The following MTA3 variants were observed in gnomAD, a reference collection of about 807,000 sequenced individuals.
MTA3 encodes the protein metastasis-associated protein MTA3.
In MTA3, 34 loss-of-function variants were observed where a neutral mutation model predicts 83.5. The ratio of observed to expected loss-of-function variants is 0.41; its 90% CI spans 0.31 to 0.54. MTA3 has a LOEUF of 0.54. Among genes scored for constraint, MTA3 ranks in the 20% least tolerant of loss-of-function variants. MTA3 has a pLI of 0.33. For missense variants in MTA3, 761 were observed against 726.4 expected, an observed-to-expected ratio of 1.05 and a Z score of -0.55; for synonymous variants, 303 against 252.7, an observed-to-expected ratio of 1.20 and a Z score of -1.89.
intron 2 of MTA3, among the ~76,000 whole-genome samples, chr2:42,519,374 G>C (rs1019407630): frequency 6.6e-6 from 1 of 152,068 alleles, no homozygotes; most frequent in African/African-American, 2.4e-5. Flanking sequence ...GAGAGGCTTA[G>C]GCGGGCAGAT....
chr2:42,613,728 A>G (rs1386894422), intron 4 of MTA3: 2 of 152,196 alleles, frequency 1.3e-5, no homozygotes, highest in Non-Finnish European at 2.9e-5. Flanking sequence ...TCTGTGAACT[A>G]TAATATTCAT....
At chr2:42,641,213 T>G (rs2104302013) in intron 5 of MTA3, among the ~76,000 whole-genome samples, 1 of 151,664 alleles carries the variant, frequency 6.6e-6, no homozygotes, top group African/African-American at 2.4e-5. Flanking sequence ...GGCCGGTTTT[T>G]TTTTTTTTTT....
At position 42,659,750 on chromosome 2, in the gene MTA3, G is replaced by A. The variant is rs1689495361; in HGVS notation, c.603-13G>A. 1.3e-6 allele frequency: 2 copies of A among 1,523,352 alleles called. No individual in the cohort carries two copies. Among genetic ancestry groups the A allele is most frequent in the Non-Finnish European group, 1.8e-6 (2 of 1,135,054 alleles). 94.4% of individuals were successfully genotyped at this position (1,523,352 alleles called of 1,614,324 possible). On this transcript the variant is annotated splice_polypyrimidine_tract_variant and intron_variant, in intron 7 of 16. Coordinates refer to ENST00000405094, the MANE Select transcript of MTA3 (RefSeq NM_001330442.2). ...TACTTAATTCTTCCTTATTGTGTTT[G>A]TGGTTTATTCAGTGCTGTTGGGACA...
intron 7 of MTA3, among the ~76,000 whole-genome samples, chr2:42,659,355 G>A (rs1262762100): frequency 6.6e-6 from 1 of 152,164 alleles, no homozygotes; most frequent in Non-Finnish European, 1.5e-5. Flanking sequence ...GGGGAAAAAT[G>A]TAACTGAGTT....
intron 2 of MTA3, among the ~76,000 whole-genome samples, chr2:42,560,657 C>CA (rs1244336766): frequency 1.3e-5 from 2 of 151,860 alleles, no homozygotes; most frequent in Non-Finnish European, 2.9e-5. Context: ...GTAATCACAG[C>CA]ACTTTGGGAG....
chr2:42,549,530 ATATACAT>A (rs1676995277), intron 2 of MTA3, among the ~76,000 whole-genome samples: 1 of 110,176 alleles, frequency 9.1e-6, no homozygotes, highest in South Asian at 2.4e-4. Context: ...ATAATATATA[ATATACAT>A]ATATTACATA....
Position 42,555,761 on chromosome 2 carries a change from C to G in MTA3, c.-140-14676C>G, listed in dbSNP as rs150212791. Among the ~76,000 whole-genome samples, 69 of 151,484 alleles carry G rather than the reference C, an allele frequency of 4.6e-4. No homozygotes were observed. The East Asian group carries it at 0.011, about 24-fold the overall frequency. On this transcript the variant is annotated intron_variant, in intron 2 of 17. Transcript: ENST00000405592. Reference sequence around the variant, plus strand: ...CCAGCCTGCGCAACAGAGCGAGACTCCGTCTCAAAAAGAAAGAAAGAAAGA... The same window carrying G: ...CCAGCCTGCGCAACAGAGCGAGACTGCGTCTCAAAAAGAAAGAAAGAAAGA...
At chr2:42,725,949 C>A (rs988450089) in intron 16 of MTA3, among the ~76,000 whole-genome samples, 1 of 152,152 alleles carries the variant, frequency 6.6e-6, no homozygotes, top group Non-Finnish European at 1.5e-5. Flanking sequence ...ACGAATGGAC[C>A]TTTTCATTGG....
intron 9 of MTA3, among the ~76,000 whole-genome samples, chr2:42,687,388 G>T (rs552726506): frequency 1.3e-5 from 2 of 152,178 alleles, no homozygotes; most frequent in Admixed American, 1.3e-4. Context: ...TATATCAGTC[G>T]TTCATTTTCA....
intron 2 of MTA3, among the ~76,000 whole-genome samples, chr2:42,560,561 AAC>A (rs1160521526): frequency 2.0e-4 from 31 of 151,240 alleles, no homozygotes; most frequent in African/African-American, 7.3e-4. Context: ...TAAAAAAAAA[AAC>A]AAAAAACAAC....
chr2:42,542,147 T>C (rs934444440), intron 2 of MTA3, among the ~76,000 whole-genome samples: 3 of 152,176 alleles, frequency 2.0e-5, no homozygotes, highest in Non-Finnish European at 4.4e-5. Context: ...AAGTCTCCAC[T>C]CCATTCCCAG....
At chr2:42,720,435 C>T (rs1161781374) in intron 15 of MTA3, among the ~76,000 whole-genome samples, 1 of 152,126 alleles carries the variant, frequency 6.6e-6, no homozygotes, top group African/African-American at 2.4e-5. Flanking sequence ...CCCACCTCGG[C>T]CTCCCAGAGT....
chr2:42,595,853 C>G (rs1406143327), intron 3 of MTA3, among the ~76,000 whole-genome samples: 1 of 152,154 alleles, frequency 6.6e-6, no homozygotes, highest in Non-Finnish European at 1.5e-5. Flanking sequence ...ATACCAGACA[C>G]TCTAAATGCT....
chr2:42,609,571 G>A lies in MTA3; in HGVS notation c.304G>A (p.Ala102Thr), dbSNP rs1683927703. The A allele has an allele frequency of 4.3e-6, 7 of 1,613,350 alleles. No individual in the cohort carries two copies. Among genetic ancestry groups the A allele is most frequent in the Non-Finnish European group, 5.9e-6 (7 of 1,179,542 alleles). The change falls in exon 4 of 17, where the codon GCA becomes ACA. Residue 102 changes from alanine to threonine, a missense_variant. By Grantham distance (58) the Ala-to-Thr change is moderately conservative. Coordinates refer to ENST00000405094, the MANE Select transcript of MTA3 (RefSeq NM_001330442.2). The part of the protein sequence containing the change: ...FLSRQYESLP[A>T]THIRGKCSVA... ...GTCACGCCAGTATGAATCTCTGCCC[G>A]CAACACATATCAGGTAAGAACTTTT...
At chr2:42,531,791 C>T (rs1176445427) in intron 2 of MTA3, among the ~76,000 whole-genome samples, 1 of 151,260 alleles carries the variant, frequency 6.6e-6, no homozygotes, top group African/African-American at 2.4e-5. Flanking sequence ...GAGTCTCGCT[C>T]TGTCACCCAG....
chr2:42,581,353 C>A, intron 3 of MTA3, among the ~76,000 whole-genome samples: 1 of 145,634 alleles, frequency 6.9e-6, no homozygotes. Flanking sequence ...TGCCTGGTCC[C>A]AAATTGCTTT....
chr2:42,567,213 A>G (rs377380463), upstream of MTA3, among the ~76,000 whole-genome samples: 1 of 152,194 alleles, frequency 6.6e-6, no homozygotes, highest in African/African-American at 2.4e-5. Context: ...GCATTTTCAG[A>G]TATCATCGCA....
At chr2:42,555,774 A>G (rs1447930564) in intron 2 of MTA3, among the ~76,000 whole-genome samples, 2 of 144,378 alleles carry the variant, frequency 1.4e-5, no homozygotes, top group East Asian at 4.2e-4. Context: ...TCTCAAAAAG[A>G]AAGAAAGAAA....
intron 4 of MTA3, among the ~76,000 whole-genome samples, chr2:42,635,858 C>G (rs1002779189): frequency 3.3e-5 from 5 of 152,042 alleles, no homozygotes; most frequent in African/African-American, 9.7e-5. Context: ...CTCCTTCTCC[C>G]AGGTTCAAGC....
Sources: allele counts gnomAD v4.1 joint callset (sites outside exome capture counted in the v4.1 genomes callset), GRCh38; gene constraint gnomAD v4.1.1; transcripts MANE v1.5; gene names NCBI Gene and HGNC (gene_info 2026-07-23, HGNC 2026-07-21).